The following ASAP2 variants were observed in gnomAD, a reference collection of about 807,000 sequenced individuals.
The protein encoded by ASAP2 is ArfGAP with SH3 domain, ankyrin repeat and PH domain 2.
ASAP2 carries 45 observed loss-of-function variants against 131.4 expected under a neutral mutation model. The observed-to-expected ratio is 0.34, with a 90% confidence interval of 0.27 to 0.44. The LOEUF (loss-of-function observed/expected upper bound fraction) is 0.44. Ranked by LOEUF, ASAP2 falls within the 20% of genes least tolerant of loss-of-function variation. The probability of loss-of-function intolerance (pLI) is 1.00; values close to 1 mark genes in which losing one functional copy is unlikely to be tolerated. For synonymous variants in ASAP2, 510 were observed against 503.0 expected, an observed-to-expected ratio of 1.01 and a Z score of -0.19; for missense variants, 1,011 against 1,297.0, an observed-to-expected ratio of 0.78 and a Z score of 3.39.
intron 14 of ASAP2, among the ~76,000 whole-genome samples, 190 bp downstream of exon 14, chr2:9,356,535 T>G (rs1289899172): frequency 6.6e-6 from 1 of 152,108 alleles, no homozygotes; most frequent in African/African-American, 2.4e-5. Context: ...GGCGGGAAGA[T>G]GTTTGCCTGC....
chr2:9,341,386 C>G (rs962138424), intron 9 of ASAP2, among the ~76,000 whole-genome samples: 2 of 152,126 alleles, frequency 1.3e-5, no homozygotes, highest in African/African-American at 4.8e-5. Flanking sequence ...AATAGGCCAG[C>G]TTAATTCAGA....
At chr2:9,332,461 C>T (rs1054639981) in intron 7 of ASAP2, among the ~76,000 whole-genome samples, 3 of 152,134 alleles carry the variant, frequency 2.0e-5, no homozygotes, top group Admixed American at 1.3e-4. Context: ...ATTGGCTGGG[C>T]TATTACAGAG....
At chr2:9,259,887 C>T (rs1267072474) in intron 1 of ASAP2, among the ~76,000 whole-genome samples, 1 of 152,214 alleles carries the variant, frequency 6.6e-6, no homozygotes, top group Non-Finnish European at 1.5e-5. Flanking sequence ...CCTGCAGTGT[C>T]CTGCATAGTC....
chr2:9,341,722 T>C (rs1671590792), intron 9 of ASAP2, among the ~76,000 whole-genome samples: 1 of 152,160 alleles, frequency 6.6e-6, no homozygotes, highest in Non-Finnish European at 1.5e-5. Flanking sequence ...CCACATTCCT[T>C]CCACAGCATT....
chr2:9,369,307 C>T (rs2148694961), intron 16 of ASAP2, among the ~76,000 whole-genome samples: 1 of 152,328 alleles, frequency 6.6e-6, no homozygotes, highest in South Asian at 2.1e-4. Flanking sequence ...GCGTGAGGCA[C>T]CGTGCCTGGC....
Position 9,207,175 on chromosome 2 carries a change from C to G in ASAP2, c.71C>G (p.Ser24Cys). ...GAGGACTACAAGGCGCCCACGGCCT[C>G]CAGCTTCACCACCCGCACGGCGCAG... ...THEDYKAPTASSFTTRTAQCR... is the reference protein window; with the variant it reads ...THEDYKAPTACSFTTRTAQCR... Residue 24 changes from serine (S) to cysteine (C), a missense_variant, in exon 1 of 28, where the codon TCC becomes TGC. Coordinates refer to ENST00000281419, the MANE Select transcript of ASAP2 (RefSeq NM_003887.3). This position sits in a 1 kb window ranked among gnomAD's most constrained non-coding sequence, Gnocchi z 4.1. 1 of 1,605,620 alleles carries G rather than the reference C, an allele frequency of 6.2e-7. No homozygotes were observed. The highest frequency in any genetic ancestry group is 8.5e-7 in the Non-Finnish European group (1 of 1,176,728).
In ASAP2 at chr2:9,393,465, C is replaced by T. The variant is rs1429673034; in HGVS notation, c.2519-17C>T. ...CTGGCGGCTGACCCTCTGCACGTCTCTCCCTGTCCTCCGCAGATCCCCTGA... is the reference window on the plus strand; with the variant it reads ...CTGGCGGCTGACCCTCTGCACGTCTTTCCCTGTCCTCCGCAGATCCCCTGA... On this transcript the variant is annotated splice_polypyrimidine_tract_variant and intron_variant, in intron 23 of 27. Coordinates refer to ENST00000281419, the MANE Select transcript of ASAP2 (RefSeq NM_003887.3). 4 of 1,597,504 alleles carry T rather than the reference C, an allele frequency of 2.5e-6. No homozygotes were observed. Among genetic ancestry groups the T allele is most frequent in the South Asian group, 1.1e-5 (1 of 88,444 alleles).
intron 3 of ASAP2, among the ~76,000 whole-genome samples, chr2:9,316,361 T>G (rs941878640): frequency 4.6e-5 from 7 of 152,346 alleles, no homozygotes; most frequent in African/African-American, 1.7e-4. Flanking sequence ...GATGCCATAT[T>G]GCTTTAAAAG....
In ASAP2 at chr2:9,318,062, C is replaced by G. The variant is rs142519115; in HGVS notation, c.346-462C>G. Among the ~76,000 whole-genome samples, 991 of 152,340 alleles carry G rather than the reference C, an allele frequency of 6.5e-3. 2 individuals are homozygous for G. Among genetic ancestry groups the G allele is most frequent in the Non-Finnish European group, 9.5e-3 (646 of 68,042 alleles). On this transcript the variant is annotated intron_variant, in intron 3 of 27. Transcript: ENST00000281419. Reference sequence around the variant, plus strand: ...GTGTGCCTTTGCAGCAGACAGAAGACTCTGCCTTTGTTTCCCCTGCTTGGA... The same window carrying G: ...GTGTGCCTTTGCAGCAGACAGAAGAGTCTGCCTTTGTTTCCCCTGCTTGGA...
rs976767585 is a variant in ASAP2 at position 9,232,570 on chromosome 2, C to G, written c.126+25340C>G. 6.6e-6 allele frequency among the ~76,000 whole-genome samples: 1 copy of G among 152,228 alleles called. No individual in the cohort carries two copies. Among genetic ancestry groups the G allele is most frequent in the African/African-American group, 2.4e-5 (1 of 41,454 alleles). ...CATATTTTTAATTTATTTTCTATCT[C>G]CCCTTCTCCCCATTAGATCATAAGC... On this transcript the variant is annotated intron_variant, in intron 1 of 27. Coordinates refer to ENST00000281419, the MANE Select transcript of ASAP2 (RefSeq NM_003887.3). This position sits in a 1 kb window ranked among gnomAD's most constrained non-coding sequence, Gnocchi z 4.1.
chr2:9,394,548 G>A (rs1020054653), intron 24 of ASAP2, among the ~76,000 whole-genome samples: 11 of 152,100 alleles, frequency 7.2e-5, no homozygotes, highest in Non-Finnish European at 1.5e-5. Flanking sequence ...AAGTTCTGGG[G>A]GCTAGGTGGA....
chr2:9,356,078 T>C lies in ASAP2; in HGVS notation c.1143T>C (p.Asp381=). Residue 381 remains aspartate, a synonymous_variant, in exon 13 of 28, where the codon GAT becomes GAC. Coordinates refer to ENST00000281419, the MANE Select transcript of ASAP2 (RefSeq NM_003887.3). ...HDRTYHFQAE[D]EQECQIWMSV... Reference sequence around the variant, plus strand: ...GAACTTACCACTTTCAAGCTGAAGATGAACAGGAATGTCAAATGTAAGTTA... The same window carrying C: ...GAACTTACCACTTTCAAGCTGAAGACGAACAGGAATGTCAAATGTAAGTTA... 1 of 1,614,236 alleles carries C rather than the reference T, an allele frequency of 6.2e-7. No homozygotes were observed. Among genetic ancestry groups the C allele is most frequent in the Non-Finnish European group, 8.5e-7 (1 of 1,180,056 alleles).
intron 5 of ASAP2, among the ~76,000 whole-genome samples, chr2:9,321,648 G>A (rs1670155734): frequency 6.6e-6 from 1 of 152,158 alleles, no homozygotes; most frequent in Non-Finnish European, 1.5e-5. Context: ...CGTCTCTGTG[G>A]CTGATAGGAA....
intron 1 of ASAP2, among the ~76,000 whole-genome samples, chr2:9,251,372 G>T (rs889472054): frequency 6.6e-6 from 1 of 152,240 alleles, no homozygotes; most frequent in Admixed American, 6.5e-5. Flanking sequence ...AGCCTTAGGG[G>T]ACCTGCCCTC....
intron 1 of ASAP2, among the ~76,000 whole-genome samples, chr2:9,214,777 TA>T (rs34474684): frequency 0.084 from 8,686 of 103,066 alleles, 518 homozygotes; most frequent in African/African-American, 0.18. Flanking sequence ...CCTGGACGTC[TA>T]AAAAAAAAAA....
At position 9,241,806 on chromosome 2, in the gene ASAP2, G is replaced by A. The variant is rs555850695; in HGVS notation, c.126+34576G>A. 1.5e-4 allele frequency among the ~76,000 whole-genome samples: 23 copies of A among 152,330 alleles called. 1 individual carries two copies. The South Asian group carries it at 3.3e-3, about 22-fold the overall frequency. ...CAAGGAAAGCGAGGAGAAGGAAAGG[G>A]ATGGCATTTTGATCTGGACCTGAAA... On this transcript the variant is annotated intron_variant, in intron 1 of 27. Coordinates refer to ENST00000281419, the MANE Select transcript of ASAP2 (RefSeq NM_003887.3).
At chr2:9,277,298 A>C (rs1428581381) in intron 1 of ASAP2, among the ~76,000 whole-genome samples, 2 of 152,218 alleles carry the variant, frequency 1.3e-5, no homozygotes, top group South Asian at 2.1e-4. Flanking sequence ...AGCCTGGCCT[A>C]GGTCCCGCGA....
At chr2:9,285,398 T>C (rs147984057) in intron 2 of ASAP2, among the ~76,000 whole-genome samples, 4 of 152,316 alleles carry the variant, frequency 2.6e-5, no homozygotes, top group Non-Finnish European at 4.4e-5. Flanking sequence ...TATCTGCATG[T>C]CCCACGTGTA....
chr2:9,337,434 CATT>C (rs370573140), intron 9 of ASAP2, among the ~76,000 whole-genome samples: 32 of 152,266 alleles, frequency 2.1e-4, no homozygotes, highest in African/African-American at 5.8e-4. Context: ...ATCATTTGGT[CATT>C]ATTGTTTAGG....
Sources: gnomAD v4.1 joint callset for allele counts (sites outside exome capture counted in the v4.1 genomes callset) on GRCh38, gnomAD v4.1.1 for gene constraint, Gnocchi (gnomAD v3.1) non-coding constraint, MANE v1.5 for transcripts, NCBI Gene and HGNC (gene_info 2026-07-23, HGNC 2026-07-21) for gene names.